IL19: variants seen among roughly 807,000 people sequenced by gnomAD.
IL19 encodes interleukin 19, also known as interleukin-19.
In IL19, 15 loss-of-function variants were observed where a neutral mutation model predicts 19.5. The ratio of observed to expected loss-of-function variants is 0.77; its 90% confidence interval spans 0.52 to 1.19. IL19 has a LOEUF of 1.19. IL19 is among the 50% of genes most tolerant of loss of function. The pLI is 0.00. For synonymous variants in IL19, 78 were observed against 78.3 expected, an observed-to-expected ratio of 1.00 and a Z score of 0.02; for missense variants, 199 against 213.1, an observed-to-expected ratio of 0.93 and a Z score of 0.41.
At chr1:206,828,578 G>A (rs1267975281) in intron 2 of IL19, among the ~76,000 whole-genome samples, 1 of 152,156 alleles carries the variant, frequency 6.6e-6, no homozygotes, top group Non-Finnish European at 1.5e-5. Context: ...AGAAATGTTA[G>A]AAATTGGAGT....
chr1:206,794,299 G>A (rs74148796), intron 1 of IL19, among the ~76,000 whole-genome samples: 10,523 of 152,142 alleles, frequency 0.069, 406 homozygotes, highest in Middle Eastern at 0.075. Context: ...TTCCTGGCAC[G>A]GCATACAGTA....
intron 1 of IL19, among the ~76,000 whole-genome samples, chr1:206,795,381 C>T (rs1418497538): frequency 6.6e-6 from 1 of 152,168 alleles, no homozygotes; most frequent in Non-Finnish European, 1.5e-5. Flanking sequence ...AGAACTAGTC[C>T]TGGATGGTGT....
chr1:206,807,014 G>T (rs1558613567), intron 2 of IL19, among the ~76,000 whole-genome samples: 1 of 152,168 alleles, frequency 6.6e-6, no homozygotes, highest in South Asian at 2.1e-4. Flanking sequence ...CTGCAGGGCT[G>T]GGGAGGCCTC....
In IL19 at chr1:206,839,992, T is replaced by C. The variant is rs1325365393; in HGVS notation, c.353T>C (p.Leu118Pro). ...TCTTTCCTCTACATGCAGAAAACTC[T>C]GCGGCAATGTGTGAGTCACTGGGTC... ...ANSFLYMQKTLRQCQEQRQCH... is the reference protein window; with the variant it reads ...ANSFLYMQKTPRQCQEQRQCH... Residue 118 changes from leucine to proline, a missense_variant, in exon 5 of 7, where the codon CTG (leucine) becomes CCG (proline). By Grantham distance (98) the Leu-to-Pro change is moderately conservative (BLOSUM62 -3). Coordinates refer to ENST00000659997, the MANE Select transcript of IL19 (RefSeq NM_153758.5). 6.2e-7 allele frequency: 1 copy of C among 1,614,098 alleles called. No individual in the cohort carries two copies.
At chr1:206,771,145 T>C (rs1467478075) in intron 1 of IL19, 67 bp downstream of exon 1, 2 of 1,454,310 alleles carry the variant, frequency 1.4e-6, no homozygotes, top group Non-Finnish European at 1.9e-6. Flanking sequence ...GAGGACAGCT[T>C]GGTTCTAGCG....
intron 1 of IL19, among the ~76,000 whole-genome samples, chr1:206,791,415 G>C (rs1470409900): frequency 1.3e-5 from 2 of 151,588 alleles, no homozygotes; most frequent in East Asian, 3.9e-4. Flanking sequence ...CGGTTCTTCT[G>C]CCTCAGCCTC....
At chr1:206,821,743 A>T (rs1676294862) in intron 2 of IL19, among the ~76,000 whole-genome samples, 1 of 152,228 alleles carries the variant, frequency 6.6e-6, no homozygotes, top group Admixed American at 6.5e-5. Flanking sequence ...AAGAAAAGGG[A>T]GAAGTGAGTT....
At chr1:206,835,304 G>A (rs1676748469) in intron 2 of IL19, among the ~76,000 whole-genome samples, 1 of 152,198 alleles carries the variant, frequency 6.6e-6, no homozygotes, top group Non-Finnish European at 1.5e-5. Flanking sequence ...TGGCAATGGG[G>A]CCCATCCTTG....
chr1:206,796,672 A>AG (rs1675533406), intron 1 of IL19, among the ~76,000 whole-genome samples: 1 of 152,218 alleles, frequency 6.6e-6, no homozygotes, highest in Admixed American at 6.5e-5. Context: ...ATCATGCTGT[A>AG]CAGGTTTGTA....
chr1:206,815,262 C>CA (rs554796952), intron 2 of IL19, among the ~76,000 whole-genome samples: 5 of 151,886 alleles, frequency 3.3e-5, no homozygotes, highest in African/African-American at 4.8e-5. Context: ...ATGTCTGGAC[C>CA]AAAAAAACTT....
At chr1:206,780,613 G>A (rs980557241) in intron 1 of IL19, among the ~76,000 whole-genome samples, 68 of 152,190 alleles carry the variant, frequency 4.5e-4, no homozygotes, top group African/African-American at 1.4e-3. Flanking sequence ...CTATATGGAC[G>A]TCAGAAGAAG....
chr1:206,802,490 G>A (rs536395864), intron 2 of IL19, among the ~76,000 whole-genome samples: 8 of 151,968 alleles, frequency 5.3e-5, no homozygotes, highest in Non-Finnish European at 1.0e-4. Context: ...GAAACTAAAT[G>A]TCAGAGAGTT....
At chr1:206,814,770 A>G (rs753801972) in intron 2 of IL19, among the ~76,000 whole-genome samples, 2 of 151,724 alleles carry the variant, frequency 1.3e-5, no homozygotes, top group Non-Finnish European at 2.9e-5. Flanking sequence ...ACTACTTTCT[A>G]TGAATAGCAA....
Position 206,811,516 on chromosome 1 carries a change from C to G in IL19, c.-3+12510C>G, listed in dbSNP as rs189083481. On this transcript the variant is annotated intron_variant, in intron 2 of 6. Transcript: ENST00000659997. ...CTTTCATTCTATTTCCAGACCTAGG[C>G]CAGTTCCAGACTTAGAATCTCTTGA... Among the ~76,000 whole-genome samples, 453 of 151,782 alleles carry G rather than the reference C, an allele frequency of 3.0e-3. 1 individual carries two copies. The highest frequency in any genetic ancestry group is 0.01 in the African/African-American group (430 of 41,358).
chr1:206,840,968 T>G (rs755053867), intron 5 of IL19, 36 bp from the exon 6 acceptor site: 11 of 1,568,476 alleles, frequency 7.0e-6, no homozygotes, highest in Middle Eastern at 1.7e-4. Context: ...AGAGTGGAAA[T>G]GTCCTCTGAT....
At chr1:206,824,930 A>AT (rs1322261961) in intron 2 of IL19, among the ~76,000 whole-genome samples, 2 of 151,956 alleles carry the variant, frequency 1.3e-5, no homozygotes, top group Non-Finnish European at 2.9e-5. Context: ...AATTTTCTGT[A>AT]TTTTTAGTAG....
chr1:206,815,337 T>G (rs1010362236), intron 2 of IL19, among the ~76,000 whole-genome samples: 1 of 152,220 alleles, frequency 6.6e-6, no homozygotes, highest in African/African-American at 2.4e-5. Flanking sequence ...GAGATATAGA[T>G]GTCATGTCTC....
chr1:206,772,177 G>A (rs1203737647), intron 1 of IL19: 2 of 1,065,086 alleles, frequency 1.9e-6, no homozygotes, highest in East Asian at 4.8e-5. Context: ...GGATGGAGGT[G>A]GAGGCGCAGG....
intron 1 of IL19, chr1:206,771,280 C>T: frequency 7.3e-7 from 1 of 1,369,830 alleles, no homozygotes; most frequent in South Asian, 1.2e-5. Flanking sequence ...AACCCAATTC[C>T]CTGCAATCAG....
Sources: gnomAD v4.1 joint callset for allele counts (sites outside exome capture counted in the v4.1 genomes callset) on GRCh38, gnomAD v4.1.1 for gene constraint, MANE v1.5 for transcripts, NCBI Gene and HGNC (gene_info 2026-07-23, HGNC 2026-07-21) for gene names.